The following RAB11FIP4 variants were observed in gnomAD, a reference collection of about 807,000 sequenced individuals.
RAB11FIP4 encodes the protein rab11 family-interacting protein 4.
In RAB11FIP4, 23 loss-of-function variants were observed where a neutral mutation model predicts 74.3. That is an observed-to-expected ratio of 0.31 (90% CI 0.22 to 0.44). The LOEUF is 0.44. RAB11FIP4 is among the 20% of genes least tolerant of loss of function. The probability of loss-of-function intolerance (pLI) is 1.00; values close to 1 mark genes in which losing one functional copy is unlikely to be tolerated. For synonymous variants in RAB11FIP4, 360 were observed against 359.9 expected (o/e 1.00, Z 0.00); for missense variants, 630 against 863.9 (o/e 0.73, Z 3.39).
At chr17:31,424,126 T>C (rs1278851919) in intron 1 of RAB11FIP4, among the ~76,000 whole-genome samples, 1 of 152,232 alleles carries the variant, frequency 6.6e-6, no homozygotes, top group East Asian at 1.9e-4. Flanking sequence ...TTTGGGCTCC[T>C]GAGTCTAGGT....
intron 3 of RAB11FIP4, among the ~76,000 whole-genome samples, chr17:31,496,613 C>CAAGGG (rs1478120758): frequency 6.6e-6 from 1 of 152,252 alleles, no homozygotes; most frequent in Non-Finnish European, 1.5e-5. Flanking sequence ...AATCTCTCCT[C>CAAGGG]TCCCTTTCTG....
At chr17:31,414,791 C>A (rs1325961253) in intron 1 of RAB11FIP4, among the ~76,000 whole-genome samples, 1 of 152,236 alleles carries the variant, frequency 6.6e-6, no homozygotes. Context: ...CAGTGGGTCC[C>A]TGAGGCGGGG....
At chr17:31,415,557 C>T (rs962558675) in intron 1 of RAB11FIP4, among the ~76,000 whole-genome samples, 1 of 152,150 alleles carries the variant, frequency 6.6e-6, no homozygotes, top group South Asian at 2.1e-4. Flanking sequence ...CCATGCCCAC[C>T]CCAAACATGC....
At chr17:31,483,653 C>G (rs539722696) in intron 3 of RAB11FIP4, among the ~76,000 whole-genome samples, 2 of 152,080 alleles carry the variant, frequency 1.3e-5, no homozygotes, top group Non-Finnish European at 2.9e-5. Flanking sequence ...GAACAACTTG[C>G]CAGACTTTTT....
chr17:31,528,679 G>A lies in RAB11FIP4; in HGVS notation c.1554G>A (p.Glu518=), dbSNP rs1260054842. ...EHLQMYKLDC[E]RPGRGRSASS... ...TGCAGATGTACAAGCTGGACTGCGA[G>A]CGGCCAGGCAGGGGCCGCAGTGCCT... is the stretch of plus-strand genomic sequence containing the variant. Residue 518 remains glutamate, a synonymous_variant, in exon 13 of 15, where the codon GAG becomes GAA. Coordinates refer to ENST00000621161, the MANE Select transcript of RAB11FIP4 (RefSeq NM_032932.6). 2.5e-5 allele frequency: 40 copies of A among 1,612,904 alleles called. No individual in the cohort carries two copies. The highest frequency in any genetic ancestry group is 3.3e-5 in the Non-Finnish European group (39 of 1,179,742).
At chr17:31,426,505 A>C (rs2071250853) in intron 1 of RAB11FIP4, among the ~76,000 whole-genome samples, 1 of 136,058 alleles carries the variant, frequency 7.3e-6, no homozygotes, top group Non-Finnish European at 1.5e-5. Flanking sequence ...TTTAAAAATC[A>C]CTGAGCCTGT....
chr17:31,498,256 A>T (rs1449460067), intron 3 of RAB11FIP4, among the ~76,000 whole-genome samples: 1 of 152,138 alleles, frequency 6.6e-6, no homozygotes, highest in Admixed American at 6.5e-5. Flanking sequence ...CGGAGGCCCT[A>T]AGCTGAGCTC....
chr17:31,511,298 G>A (rs2072447909), intron 3 of RAB11FIP4, among the ~76,000 whole-genome samples: 1 of 152,200 alleles, frequency 6.6e-6, no homozygotes, highest in South Asian at 2.1e-4. Flanking sequence ...GCGCCCTCAT[G>A]ACACAAGGCA....
At position 31,528,795 on chromosome 17, in the gene RAB11FIP4, C is replaced by G. The variant is rs1474411650; in HGVS notation, c.1653+17C>G. The G allele has an allele frequency of 1.3e-6, 2 of 1,598,936 alleles. No individual in the cohort carries two copies. Among genetic ancestry groups the G allele is most frequent in the East Asian group, 2.2e-5 (1 of 44,560 alleles). On this transcript the variant is annotated intron_variant, in intron 13 of 14. Transcript: ENST00000621161. Reference sequence around the variant, plus strand: ...CTCAAGCAGGTGGGTCTAGCAGTCTCTGTGTCCAGTGGGGCAGGGTGGCCG... The same window carrying G: ...CTCAAGCAGGTGGGTCTAGCAGTCTGTGTGTCCAGTGGGGCAGGGTGGCCG...
intron 3 of RAB11FIP4, chr17:31,465,519 A>AAG (rs1451166772): frequency 6.6e-6 from 1 of 150,918 alleles, no homozygotes; most frequent in African/African-American, 2.4e-5. Context: ...GTTAAAAAAA[A>AAG]AAAAAAAAAG....
chr17:31,391,739 C>A lies in RAB11FIP4; in HGVS notation c.-114C>A, dbSNP rs2151610035. The A allele has an allele frequency of 1.2e-6, 1 of 810,880 alleles. No individual in the cohort carries two copies. Among genetic ancestry groups the A allele is most frequent in the Non-Finnish European group, 1.5e-6 (1 of 672,138 alleles). 50.2% of individuals were successfully genotyped at this position (810,880 alleles called of 1,614,324 possible). On this transcript the variant is annotated 5_prime_UTR_variant, in exon 1 of 15. It adds an upstream start codon to the 5' untranslated region. Transcript: ENST00000621161. ...GGCCGCGGCCGCCACCGGGCGGAGG[C>A]TGCGCGGCGCAGACCCAGACGGGCG...
chr17:31,464,631 A>G (rs917362846), intron 3 of RAB11FIP4, among the ~76,000 whole-genome samples: 1 of 151,004 alleles, frequency 6.6e-6, no homozygotes, highest in Non-Finnish European at 1.5e-5. Flanking sequence ...TTGTATTTTT[A>G]GTAGAAACGA....
At chr17:31,528,360 C>T (rs1211146402) in intron 11 of RAB11FIP4, 46 bp from the exon 12 acceptor site, 2 of 1,589,848 alleles carry the variant, frequency 1.3e-6, no homozygotes, top group Admixed American at 1.7e-5. Flanking sequence ...CATAGTGAGC[C>T]CCTCTCTGGG....
chr17:31,518,892 G>A (rs536876985), intron 4 of RAB11FIP4, among the ~76,000 whole-genome samples: 3 of 151,958 alleles, frequency 2.0e-5, no homozygotes, highest in Admixed American at 2.0e-4. Context: ...GAGTGCAGTG[G>A]CATGATCTCA....
At chr17:31,438,958 T>A (rs1312026667) in intron 3 of RAB11FIP4, among the ~76,000 whole-genome samples, 1 of 151,662 alleles carries the variant, frequency 6.6e-6, no homozygotes, top group Admixed American at 6.6e-5. Flanking sequence ...AAAAAAAAAA[T>A]TTTTACTTAG....
At chr17:31,488,006 C>T (rs1277433399) in intron 3 of RAB11FIP4, 1 of 1,006,084 alleles carries the variant, frequency 9.9e-7, no homozygotes, top group Non-Finnish European at 1.2e-6. Flanking sequence ...CCCCCGAGTC[C>T]CGGGGCCCAG....
intron 1 of RAB11FIP4, among the ~76,000 whole-genome samples, chr17:31,394,949 G>T (rs1004171611): frequency 1.1e-3 from 143 of 124,532 alleles, no homozygotes; most frequent in African/African-American, 4.0e-3. Context: ...GGGGGGGGGG[G>T]GCTCCCTTAC....
At chr17:31,402,672 C>T (rs181566438) in intron 1 of RAB11FIP4, among the ~76,000 whole-genome samples, 170 of 151,408 alleles carry the variant, frequency 1.1e-3, no homozygotes, top group Non-Finnish European at 2.0e-3. Flanking sequence ...CCCAGGCTGG[C>T]GTGCAGTGGC....
At chr17:31,494,700 T>C (rs1343226760) in intron 3 of RAB11FIP4, among the ~76,000 whole-genome samples, 1 of 152,166 alleles carries the variant, frequency 6.6e-6, no homozygotes, top group African/African-American at 2.4e-5. Context: ...TGATCTCGAA[T>C]TCCTGCCCTC....
Sources: gnomAD v4.1 joint callset for allele counts (sites outside exome capture counted in the v4.1 genomes callset) on GRCh38, gnomAD v4.1.1 for gene constraint, MANE v1.5 for transcripts, NCBI Gene and HGNC (gene_info 2026-07-23, HGNC 2026-07-21) for gene names.